ENOX1: variants seen among roughly 807,000 people sequenced by gnomAD.
The protein encoded by ENOX1 is candidate growth-related and time keeping constitutive hydroquinone (NADH) oxidase.
In ENOX1, 42 loss-of-function variants were observed where a neutral mutation model predicts 82.5. The observed-to-expected ratio is 0.51, with a 90% CI of 0.40 to 0.66. The LOEUF (loss-of-function observed/expected upper bound fraction) is 0.66, where lower values mean the gene tolerates loss of function less well. Among genes scored for constraint, ENOX1 ranks in the 30% least tolerant of loss-of-function variants. The pLI is 0.00. For synonymous variants in ENOX1, 271 were observed against 282.2 expected (o/e 0.96, Z 0.40); for missense variants, 608 against 811.6 (o/e 0.75, Z 3.05).
At chr13:43,434,937 G>GTTTT (rs537775258) in intron 3 of ENOX1, among the ~76,000 whole-genome samples, 50 of 75,870 alleles carry the variant, frequency 6.6e-4, no homozygotes, top group African/African-American at 1.3e-3. Flanking sequence ...TGTGTGTGTG[G>GTTTT]TTTTTTTTTT....
chr13:43,672,905 T>C (rs1274667380), intron 1 of ENOX1, among the ~76,000 whole-genome samples: 1 of 152,154 alleles, frequency 6.6e-6, no homozygotes, highest in African/African-American at 2.4e-5. Flanking sequence ...AGCTATGTTT[T>C]TGTACTGGGG....
intron 2 of ENOX1, among the ~76,000 whole-genome samples, chr13:43,655,759 C>A (rs1292628047): frequency 6.6e-6 from 1 of 152,208 alleles, no homozygotes; most frequent in Non-Finnish European, 1.5e-5. Context: ...TCACTGTACC[C>A]TCTCTGTTCT....
At chr13:43,216,400 A>G (rs2041484720) in intron 16 of ENOX1, among the ~76,000 whole-genome samples, 1 of 152,222 alleles carries the variant, frequency 6.6e-6, no homozygotes, top group South Asian at 2.1e-4. Flanking sequence ...CTCCTTATGT[A>G]GACATGTATA....
intron 2 of ENOX1, among the ~76,000 whole-genome samples, chr13:43,637,643 G>T (rs1382116711): frequency 2.0e-5 from 3 of 151,984 alleles, no homozygotes; most frequent in Admixed American, 6.6e-5. Flanking sequence ...TTGCCAGAAA[G>T]AATTCAAGAC....
intron 13 of ENOX1, 151 bp downstream of exon 13, chr13:43,269,319 G>A (rs536305867): frequency 8.2e-5 from 51 of 619,674 alleles, no homozygotes; most frequent in South Asian, 6.2e-4. Context: ...TATAAATTCC[G>A]CATAGCAAAG....
chr13:43,415,580 A>C (rs1004105724), intron 3 of ENOX1, among the ~76,000 whole-genome samples: 21 of 152,340 alleles, frequency 1.4e-4, no homozygotes, highest in African/African-American at 4.8e-4. Context: ...TTATAGATTA[A>C]CAGCATCCCA....
chr13:43,538,895 C>T (rs77188643), intron 2 of ENOX1, among the ~76,000 whole-genome samples: 1 of 152,108 alleles, frequency 6.6e-6, no homozygotes, highest in Non-Finnish European at 1.5e-5. Flanking sequence ...GTGATCACAG[C>T]TCACTGCAGC....
chr13:43,550,860 C>T (rs774101665), intron 2 of ENOX1, among the ~76,000 whole-genome samples: 5 of 152,076 alleles, frequency 3.3e-5, no homozygotes, highest in East Asian at 3.9e-4. Context: ...TGTGACATTA[C>T]GATAGCAATT....
intron 1 of ENOX1, among the ~76,000 whole-genome samples, chr13:43,747,602 C>CT (rs1950093704): frequency 6.6e-6 from 1 of 152,234 alleles, no homozygotes; most frequent in African/African-American, 2.4e-5. Context: ...GAAAACATGT[C>CT]TAAGCCTTCC....
At chr13:43,406,429 T>C (rs2053799048) in intron 5 of ENOX1, among the ~76,000 whole-genome samples, 1 of 151,850 alleles carries the variant, frequency 6.6e-6, no homozygotes, top group Non-Finnish European at 1.5e-5. Context: ...AGTCTTTTGT[T>C]GGCTCCAAAT....
chr13:43,445,514 C>T (rs2056607054), intron 3 of ENOX1, among the ~76,000 whole-genome samples: 1 of 151,990 alleles, frequency 6.6e-6, no homozygotes, highest in African/African-American at 2.4e-5. Flanking sequence ...GAACATGGTC[C>T]AGGACTGCAG....
intron 2 of ENOX1, among the ~76,000 whole-genome samples, chr13:43,565,516 G>T (rs190866361): frequency 6.6e-6 from 1 of 152,250 alleles, no homozygotes; most frequent in East Asian, 1.9e-4. Context: ...TCAAGAGCCT[G>T]ATGTGAGGAA....
chr13:43,388,527 A>T (rs571294153), intron 5 of ENOX1, among the ~76,000 whole-genome samples: 5 of 152,216 alleles, frequency 3.3e-5, no homozygotes, highest in Admixed American at 3.3e-4. Flanking sequence ...GTCTCTGCTC[A>T]TAAACAGTGA....
At chr13:43,677,191 G>A (rs1308741922) in intron 1 of ENOX1, among the ~76,000 whole-genome samples, 1 of 152,166 alleles carries the variant, frequency 6.6e-6, no homozygotes, top group Non-Finnish European at 1.5e-5. Flanking sequence ...AAAGGCAGAT[G>A]GCAAGCATGA....
At chr13:43,655,593 C>T (rs536538752) in intron 2 of ENOX1, among the ~76,000 whole-genome samples, 1 of 152,248 alleles carries the variant, frequency 6.6e-6, no homozygotes, top group African/African-American at 2.4e-5. Flanking sequence ...TCATGTTGAT[C>T]ATGTCACTTG....
intron 2 of ENOX1, among the ~76,000 whole-genome samples, chr13:43,520,572 C>G (rs2077725421): frequency 6.6e-6 from 1 of 152,132 alleles, no homozygotes; most frequent in Non-Finnish European, 1.5e-5. Flanking sequence ...ATCTTTTTAT[C>G]TACATGGGGA....
chr13:43,717,925 A>G (rs1345117400), intron 1 of ENOX1, among the ~76,000 whole-genome samples: 1 of 152,208 alleles, frequency 6.6e-6, no homozygotes, highest in Non-Finnish European at 1.5e-5. Flanking sequence ...TCACATATAC[A>G]CAATGGTGGG....
chr13:43,470,317 C>T lies in ENOX1; in HGVS notation c.-75+13692G>A, dbSNP rs58388664. 7.6e-3 allele frequency among the ~76,000 whole-genome samples: 321 copies of T among 42,112 alleles called. 31 individuals carry two copies. The highest frequency in any genetic ancestry group is 0.02 in the African/African-American group (276 of 13,504). 27.6% of individuals were successfully genotyped at this position (42,112 alleles called of 152,430 possible). A position where few individuals can be genotyped will look rare whatever the true frequency, so the allele number is the denominator to read the frequency against. ...ATACACATATATATACATATATATA[C>T]ACATATATATATGTATATATATACG... On this transcript the variant is annotated intron_variant, in intron 3 of 16. Transcript: ENST00000690772.
chr13:43,322,084 T>C (rs1482096241), intron 11 of ENOX1, among the ~76,000 whole-genome samples: 2 of 152,238 alleles, frequency 1.3e-5, no homozygotes, highest in Admixed American at 1.3e-4. Context: ...TATCCATATT[T>C]TTAGCATCAG....
Sources: allele counts gnomAD v4.1 joint callset (sites outside exome capture counted in the v4.1 genomes callset), GRCh38; gene constraint gnomAD v4.1.1; transcripts MANE v1.5; gene names NCBI Gene and HGNC (gene_info 2026-07-23, HGNC 2026-07-21).